CCSER1: variants seen among roughly 807,000 people sequenced by gnomAD.
CCSER1 encodes the protein serine-rich coiled-coil domain-containing protein 1.
A neutral mutation model predicts 82.0 loss-of-function variants in CCSER1; 41 were observed. That is an observed-to-expected ratio of 0.50 (90% CI 0.39 to 0.65). The LOEUF (loss-of-function observed/expected upper bound fraction) is 0.65, where lower values mean the gene tolerates loss of function less well. CCSER1 is among the 30% of genes least tolerant of loss of function. The probability of loss-of-function intolerance (pLI) is 0.00; values close to 1 mark genes in which losing one functional copy is unlikely to be tolerated. For synonymous variants in CCSER1, 414 were observed against 383.9 expected (o/e 1.08, Z -0.92); for missense variants, 1,119 against 1,064.2 (o/e 1.05, Z -0.72).
At position 90,932,958 on chromosome 4, in the gene CCSER1, GAAAGAAAGAAAGAAAGAAAGAA is replaced by G. The variant is rs1730151032; in HGVS notation, c.2172+9513_2172+9534del. 7.1e-4 allele frequency among the ~76,000 whole-genome samples: 24 copies of G among 33,866 alleles called. 7 individuals carry two copies. Among genetic ancestry groups the G allele is most frequent in the African/African-American group, 3.9e-3 (19 of 4,858 alleles). The allele number at this position is 33,866 out of a possible 152,430, so 22.2% of individuals were successfully genotyped here. A position where few individuals can be genotyped will look rare whatever the true frequency, so the allele number is the denominator to read the frequency against. On this transcript the variant is annotated intron_variant, in intron 9 of 10. Coordinates refer to ENST00000509176, the MANE Select transcript of CCSER1 (RefSeq NM_001145065.2). ...AGAAAGAAAGAAAGAAAGAAAGAAA[GAAAGAAAGAAAGAAAGAAAGAA>G]AGAGAAAGAAAGAAAGAAAGAAAGA...
intron 10 of CCSER1, among the ~76,000 whole-genome samples, chr4:91,474,787 GTATATATATA>G (rs764572024): frequency 0.019 from 2,625 of 135,120 alleles, 30 homozygotes; most frequent in Non-Finnish European, 0.032. Flanking sequence ...ATATATTTGT[GTATATATATA>G]TATATATATA....
chr4:90,763,000 G>T (rs540624998), intron 7 of CCSER1, among the ~76,000 whole-genome samples: 33 of 152,056 alleles, frequency 2.2e-4, no homozygotes, highest in African/African-American at 7.7e-4. Flanking sequence ...AGGAATATGA[G>T]CAGTGATCAG....
intron 7 of CCSER1, among the ~76,000 whole-genome samples, chr4:90,726,963 G>A (rs532260982): frequency 1.3e-5 from 2 of 152,208 alleles, no homozygotes; most frequent in Non-Finnish European, 2.9e-5. Flanking sequence ...GAATGCATTT[G>A]ACTGTATTCT....
rs558053214 is a variant in CCSER1, at chr4:91,384,758, T to C, written c.2218-213814T>C. Among the ~76,000 whole-genome samples the C allele has an allele frequency of 2.0e-5, 3 of 152,170 alleles. No individual in the cohort carries two copies. In the East Asian group the frequency reaches 5.8e-4, roughly 29 times the overall value. On this transcript the variant is annotated intron_variant, in intron 10 of 10. Coordinates refer to ENST00000509176, the MANE Select transcript of CCSER1 (RefSeq NM_001145065.2). Reference sequence around the variant, plus strand: ...AAACTTTTCATGACAAAGTGCACCGTAGGCAAAGTCAAAGGACAAATAAAA... The same window carrying C: ...AAACTTTTCATGACAAAGTGCACCGCAGGCAAAGTCAAAGGACAAATAAAA...
intron 10 of CCSER1, among the ~76,000 whole-genome samples, chr4:91,166,159 A>T (rs574981593): frequency 6.6e-6 from 1 of 152,372 alleles, no homozygotes; most frequent in African/African-American, 2.4e-5. Flanking sequence ...TTTAATAATT[A>T]AATGTAATAA....
intron 9 of CCSER1, among the ~76,000 whole-genome samples, chr4:91,001,779 A>G (rs1738062202): frequency 6.6e-6 from 1 of 152,238 alleles, no homozygotes; most frequent in African/African-American, 2.4e-5. Context: ...TATGTGAGGT[A>G]CTATTCCATT....
chr4:90,189,900 G>A (rs1472727324), intron 1 of CCSER1, among the ~76,000 whole-genome samples: 1 of 151,996 alleles, frequency 6.6e-6, no homozygotes, highest in Non-Finnish European at 1.5e-5. Context: ...CTAGGAGAAA[G>A]AAGTGTAAAG....
intron 7 of CCSER1, among the ~76,000 whole-genome samples, chr4:90,738,702 G>A (rs1212056613): frequency 6.6e-6 from 1 of 152,096 alleles, no homozygotes; most frequent in Non-Finnish European, 1.5e-5. Context: ...AGCCAGGCTT[G>A]TTTTCTTCCC....
chr4:90,489,801 T>A (rs1767685424), intron 5 of CCSER1, among the ~76,000 whole-genome samples: 1 of 152,156 alleles, frequency 6.6e-6, no homozygotes, highest in African/African-American at 2.4e-5. Context: ...GATAGTTTGC[T>A]GAGAATGATG....
At chr4:91,550,530 A>T (rs1392075243) in intron 10 of CCSER1, among the ~76,000 whole-genome samples, 1 of 152,170 alleles carries the variant, frequency 6.6e-6, no homozygotes, top group African/African-American at 2.4e-5. Flanking sequence ...TGAATCTAAG[A>T]AGAGTTGTTG....
At chr4:90,665,573 G>A (rs573448844) in intron 6 of CCSER1, among the ~76,000 whole-genome samples, 88 of 152,128 alleles carry the variant, frequency 5.8e-4, no homozygotes, top group African/African-American at 2.0e-3. Context: ...CACCCGCCTC[G>A]GCCTCCCAAA....
At chr4:91,414,089 A>G (rs1249821120) in intron 10 of CCSER1, among the ~76,000 whole-genome samples, 1 of 152,138 alleles carries the variant, frequency 6.6e-6, no homozygotes, top group African/African-American at 2.4e-5. Flanking sequence ...CAATGTGAAC[A>G]CTTAAGAAAA....
chr4:90,795,148 G>A (rs539429350), intron 7 of CCSER1, among the ~76,000 whole-genome samples: 30 of 152,126 alleles, frequency 2.0e-4, no homozygotes, highest in South Asian at 1.7e-3. Flanking sequence ...TTAGCTAGGC[G>A]TGGTTGCGGG....
At chr4:90,562,926 G>A (rs1778953608) in intron 5 of CCSER1, among the ~76,000 whole-genome samples, 1 of 150,228 alleles carries the variant, frequency 6.7e-6, no homozygotes, top group South Asian at 2.1e-4. Context: ...CCAAATCTGA[G>A]GCAAAGATAA....
At chr4:90,417,011 A>G (rs1755900852) in intron 4 of CCSER1, among the ~76,000 whole-genome samples, 1 of 152,196 alleles carries the variant, frequency 6.6e-6, no homozygotes, top group African/African-American at 2.4e-5. Context: ...GAACACGTGG[A>G]CACACGCAGG....
intron 5 of CCSER1, among the ~76,000 whole-genome samples, chr4:90,567,846 A>G (rs1779592821): frequency 6.6e-6 from 1 of 151,998 alleles, no homozygotes; most frequent in Non-Finnish European, 1.5e-5. Context: ...GGCTCAAGTG[A>G]TCTGCCCGCT....
chr4:91,358,502 A>G (rs12498540), intron 10 of CCSER1, among the ~76,000 whole-genome samples: 72,066 of 150,986 alleles, frequency 0.48, 17,689 homozygotes, highest in East Asian at 0.81. Flanking sequence ...TTTATACCAA[A>G]CCAAAATCAT....
Position 91,186,382 on chromosome 4 carries a change from C to T in CCSER1, c.2217+100388C>T, listed in dbSNP as rs374636417. Among the ~76,000 whole-genome samples, 547 of 152,190 alleles carry T rather than the reference C, an allele frequency of 3.6e-3. 1 individual carries two copies. The highest frequency in any genetic ancestry group is 0.012 in the African/African-American group (517 of 41,526). On this transcript the variant is annotated intron_variant, in intron 10 of 10. Coordinates refer to ENST00000509176, the MANE Select transcript of CCSER1 (RefSeq NM_001145065.2). ...TGTCCCATGATTAACCTGATGCTTC[C>T]GAGCTCCCCTTCTTACTCACCACAG...
At chr4:90,337,743 A>G (rs1394619169) in intron 3 of CCSER1, among the ~76,000 whole-genome samples, 1 of 152,150 alleles carries the variant, frequency 6.6e-6, no homozygotes, top group Admixed American at 6.5e-5. Context: ...AGACATCTGA[A>G]AAAAAGTAAG....
Sources: gnomAD v4.1 joint callset for allele counts (sites outside exome capture counted in the v4.1 genomes callset) on GRCh38, gnomAD v4.1.1 for gene constraint, MANE v1.5 for transcripts, NCBI Gene and HGNC (gene_info 2026-07-23, HGNC 2026-07-21) for gene names.